The following IRX5 variants were observed in gnomAD, a reference collection of about 807,000 sequenced individuals.
The protein encoded by IRX5 is iroquois homeobox 5.
Under a neutral mutation model 37.6 loss-of-function variants are expected in IRX5, and 8 were observed. The observed-to-expected ratio is 0.21, with a 90% CI of 0.12 to 0.38. IRX5 has a LOEUF of 0.38. IRX5 is among the 10% of genes least tolerant of loss of function. The pLI is 1.00. For missense variants in IRX5, 635 were observed against 695.2 expected (o/e 0.91, Z 0.97); for synonymous variants, 359 against 328.6 (o/e 1.09, Z -1.00).
rs570484280 is a variant in IRX5, at chr16:54,932,959, C to G, written c.655+56C>G. 1 of 1,586,740 alleles carries G rather than the reference C, an allele frequency of 6.3e-7. No individual in the cohort carries two copies. The highest frequency in any genetic ancestry group is 2.2e-5 in the East Asian group (1 of 44,592). On this transcript the variant is annotated intron_variant, in intron 2 of 2. Transcript: ENST00000394636. The surrounding 1 kb of genome is among the most constrained non-coding windows in gnomAD (Gnocchi z 6.7). ...CGGGAGTAAAAAGGAAAAGAGAGGC[C>G]TGGAGGGGGCGCGCACGGGGCCTGG... is the stretch of plus-strand genomic sequence containing the variant.
In IRX5 at chr16:54,933,877, G is replaced by A. The variant is rs768571390; in HGVS notation, c.*4G>A. The stretch of plus-strand genomic sequence containing the variant: ...GAAAGGTATGTCCGACATTTAACGC[G>A]GGCTGCGTCGGTCCCGGACTTTTCT... On this transcript the variant is annotated 3_prime_UTR_variant, in exon 3 of 3. Transcript: ENST00000394636. 41 of 1,577,556 alleles carry A rather than the reference G, an allele frequency of 2.6e-5. No individual in the cohort carries two copies. The highest frequency in any genetic ancestry group is 3.3e-5 in the Non-Finnish European group (38 of 1,154,566).
In IRX5 at chr16:54,934,438, C is replaced by T. The variant is rs1479882298; in HGVS notation, c.*565C>T. 2 of 152,622 alleles carry T rather than the reference C, an allele frequency of 1.3e-5. No homozygotes were observed. The highest frequency in any genetic ancestry group is 1.9e-4 in the East Asian group (1 of 5,200). 9.5% of individuals were successfully genotyped at this position (152,622 alleles called of 1,614,324 possible). On this transcript the variant is annotated 3_prime_UTR_variant, in exon 3 of 3. Transcript: ENST00000394636. ...AGATTTTAACATAATGAGAGCCACT[C>T]ATTACTTTTTAGAAGCCTCAATAAA...
rs772547793 is a variant in IRX5 at position 54,931,273 on chromosome 16, C to T, written c.75C>T (p.Thr25=). 3 of 1,612,690 alleles carry T rather than the reference C, an allele frequency of 1.9e-6. No homozygotes were observed. Among genetic ancestry groups the T allele is most frequent in the Middle Eastern group, 3.3e-4 (2 of 6,048 alleles). Residue 25 remains threonine (T), a synonymous_variant, in exon 1 of 3, where the codon ACC becomes ACT. Transcript: ENST00000394636. ...LALYSCPAYS[T]SVISGPRTDE... ...TCTACTCGTGCCCGGCGTACAGCAC[C>T]AGCGTCATTTCGGGGCCCCGCACGG...
rs746203252 is a variant in IRX5 at position 54,933,760 on chromosome 16, TTGA to T, written c.1340_1342del (p.Leu447_Asn448delinsTyr). The T allele has an allele frequency of 3.7e-6, 6 of 1,614,146 alleles. No homozygotes were observed. Among genetic ancestry groups the T allele is most frequent in the East Asian group, 4.5e-5 (2 of 44,846 alleles). Reference sequence around the variant, plus strand: ...TTTCAATGGATTAAACCAGACCGTGTTGAACCGAGCGGACGCTTTGGCTAAAGA... The same window carrying T: ...TTTCAATGGATTAAACCAGACCGTGTACCGAGCGGACGCTTTGGCTAAAGA... On this transcript the variant is annotated inframe_deletion, in exon 3 of 3. Coordinates refer to ENST00000394636, the MANE Select transcript of IRX5 (RefSeq NM_005853.6).
rs1963926122 is a variant in IRX5, at chr16:54,933,303, A to G, written c.882A>G (p.Gly294=). 7.1e-7 allele frequency: 1 copy of G among 1,404,494 alleles called. No homozygotes were observed. The highest frequency in any genetic ancestry group is 9.2e-7 in the Non-Finnish European group (1 of 1,086,476). 87.0% of individuals were successfully genotyped at this position (1,404,494 alleles called of 1,614,324 possible). A position where few individuals can be genotyped will look rare whatever the true frequency, so the allele number is the denominator to read the frequency against. The change falls in exon 3 of 3, where the codon GGA becomes GGG. Residue 294 remains glycine, a synonymous_variant. Coordinates refer to ENST00000394636, the MANE Select transcript of IRX5 (RefSeq NM_005853.6). ...AEDPAPHYPA[G]APAPGPHPAA... ...ACCCGGCCCCTCACTACCCCGCCGG[A>G]GCGCCGGCGCCCGGCCCGCATCCAG...
Position 54,933,826 on chromosome 16 carries a change from T to C in IRX5, c.1405T>C (p.Cys469Arg). ...GCGGAGCCAGTCTCAGCTAGACCTG[T>C]GCAAAGACTCTCCCTATGAATTGAA... The part of the protein sequence containing the change: ...MLRSQSQLDL[C>R]KDSPYELKKG... Residue 469 changes from cysteine (C) to arginine (R), a missense_variant, in exon 3 of 3, where the codon TGC (cysteine) becomes CGC (arginine). Coordinates refer to ENST00000394636, the MANE Select transcript of IRX5 (RefSeq NM_005853.6). The C allele has an allele frequency of 6.2e-7, 1 of 1,612,816 alleles. No individual in the cohort carries two copies. The highest frequency in any genetic ancestry group is 8.5e-7 in the Non-Finnish European group (1 of 1,179,098).
At chr16:54,931,965 T>C in intron 1 of IRX5, 2 of 641,716 alleles carry the variant, frequency 3.1e-6, no homozygotes, top group South Asian at 3.4e-5. Context: ...CCGGGATTTT[T>C]CGGCCGGGTT....
Position 54,933,827 on chromosome 16 carries a change from G to A in IRX5, c.1406G>A (p.Cys469Tyr). The A allele has an allele frequency of 6.2e-7, 1 of 1,612,910 alleles. No homozygotes were observed. The highest frequency in any genetic ancestry group is 8.5e-7 in the Non-Finnish European group (1 of 1,179,200). ...CGGAGCCAGTCTCAGCTAGACCTGT[G>A]CAAAGACTCTCCCTATGAATTGAAG... ...MLRSQSQLDL[C>Y]KDSPYELKKG... Residue 469 changes from cysteine to tyrosine, a missense_variant, in exon 3 of 3, where the codon TGC becomes TAC. Transcript: ENST00000394636.
Position 54,932,855 on chromosome 16 carries a change from G to C in IRX5, c.607G>C (p.Glu203Gln). ...NIDLEKNDEDEPQKPEDKGDP... is the reference protein window; with the variant it reads ...NIDLEKNDEDQPQKPEDKGDP... The stretch of plus-strand genomic sequence containing the variant: ...TGACCTGGAGAAGAACGACGAGGAC[G>C]AGCCCCAGAAGCCCGAGGACAAGGG... The change falls in exon 2 of 3, where the codon GAG (glutamate) becomes CAG (glutamine). Residue 203 changes from glutamate (E) to glutamine (Q), a missense_variant. Physicochemically the swap from Glu to Gln is conservative, Grantham distance 29. This residue lies in a region of IRX5 where 244 missense variants were observed against 205.4 expected (regional missense o/e 1.19). Coordinates refer to ENST00000394636, the MANE Select transcript of IRX5 (RefSeq NM_005853.6). The surrounding 1 kb of genome is among the most constrained non-coding windows in gnomAD (Gnocchi z 6.7). 6.2e-7 allele frequency: 1 copy of C among 1,614,024 alleles called. No individual in the cohort carries two copies. Among genetic ancestry groups the C allele is most frequent in the Non-Finnish European group, 8.5e-7 (1 of 1,179,968 alleles).
chr16:54,931,866 C>T (rs754634000), intron 1 of IRX5, among the ~76,000 whole-genome samples: 2 of 152,186 alleles, frequency 1.3e-5, no homozygotes, highest in Non-Finnish European at 2.9e-5. Flanking sequence ...TTAATTAGTC[C>T]TCCAAAATGT....
At position 54,931,189 on chromosome 16, in the gene IRX5, G is replaced by T; in HGVS notation, c.-10G>T. On this transcript the variant is annotated 5_prime_UTR_variant, in exon 1 of 3. Coordinates refer to ENST00000394636, the MANE Select transcript of IRX5 (RefSeq NM_005853.6). The stretch of plus-strand genomic sequence containing the variant: ...CCGCGGCGCGGCGCGCCCCATGCCC[G>T]TGTGTGGCCATGTCCTATCCGCAGG... 1.3e-6 allele frequency: 2 copies of T among 1,574,040 alleles called. No homozygotes were observed. Among genetic ancestry groups the T allele is most frequent in the Non-Finnish European group, 1.7e-6 (2 of 1,162,326 alleles).
Position 54,933,079 on chromosome 16 carries a change from G to A in IRX5, c.658G>A (p.Gly220Arg). 1 of 1,597,940 alleles carries A rather than the reference G, an allele frequency of 6.3e-7. No homozygotes were observed. Among genetic ancestry groups the A allele is most frequent in the Non-Finnish European group, 8.5e-7 (1 of 1,176,096 alleles). Residue 220 changes from glycine (G) to arginine (R), a missense_variant and splice_region_variant, in exon 3 of 3, where the codon GGA (glycine) becomes AGA (arginine). Gly to Arg is a moderately radical substitution (Grantham distance 125, BLOSUM62 -2). Around this residue, in one of 5 missense-constraint regions of IRX5, gnomAD observed 244 missense variants for 205.4 expected, o/e 1.19. Transcript: ENST00000394636. ...KGDPEGPEAGGAEQKAASGCE... is the reference protein window; with the variant it reads ...KGDPEGPEAGRAEQKAASGCE... ...GACAGCCTGGGTTTCGCCCGCAGGA[G>A]GAGCTGAGCAGAAGGCGGCTTCGGG... is the stretch of plus-strand genomic sequence containing the variant.
chr16:54,931,731 C>T (rs1963899897), intron 1 of IRX5, among the ~76,000 whole-genome samples: 1 of 152,238 alleles, frequency 6.6e-6, no homozygotes, highest in African/African-American at 2.4e-5. Context: ...TAAACGTAAG[C>T]TCCGGGCTGC....
In IRX5 at chr16:54,931,168, G is replaced by A. The variant is rs776090805; in HGVS notation, c.-31G>A. On this transcript the variant is annotated 5_prime_UTR_variant, in exon 1 of 3. Transcript: ENST00000394636. ...CGCCGCCCGGCTCGTTGGCGGCCGC[G>A]GCGCGGCGCGCCCCATGCCCGTGTG... 3.7e-6 allele frequency: 5 copies of A among 1,344,948 alleles called. No homozygotes were observed. Among genetic ancestry groups the A allele is most frequent in the Non-Finnish European group, 4.8e-6 (5 of 1,045,558 alleles). The allele number at this position is 1,344,948 out of a possible 1,614,324, so 83.3% of individuals were successfully genotyped here. A position where few individuals can be genotyped will look rare whatever the true frequency, so the allele number is the denominator to read the frequency against.
In IRX5 at chr16:54,933,285, C is replaced by G. The variant is rs1221228126; in HGVS notation, c.864C>G (p.Ala288=). 2 of 1,357,054 alleles carry G rather than the reference C, an allele frequency of 1.5e-6. No homozygotes were observed. Among genetic ancestry groups the G allele is most frequent in the Non-Finnish European group, 1.9e-6 (2 of 1,063,684 alleles). 84.1% of individuals were successfully genotyped at this position (1,357,054 alleles called of 1,614,324 possible). ...PAAARLAEDP[A]PHYPAGAPAP... ...CGGCGCGGCTGGCGGAGGACCCGGC[C>G]CCTCACTACCCCGCCGGAGCGCCGG... The change falls in exon 3 of 3, where the codon GCC becomes GCG. Residue 288 remains alanine, a synonymous_variant. Coordinates refer to ENST00000394636, the MANE Select transcript of IRX5 (RefSeq NM_005853.6).
chr16:54,933,414 G>A lies in IRX5; in HGVS notation c.993G>A (p.Lys331=). 1 of 1,604,408 alleles carries A rather than the reference G, an allele frequency of 6.2e-7. No homozygotes were observed. Residue 331 remains lysine, a synonymous_variant, in exon 3 of 3, where the codon AAG becomes AAA. Coordinates refer to ENST00000394636, the MANE Select transcript of IRX5 (RefSeq NM_005853.6). ...PPPPPPAVLA[K]PKLWSLAEIA... The stretch of plus-strand genomic sequence containing the variant: ...CGCCGCCTCCTGCGGTGCTCGCCAA[G>A]CCCAAACTGTGGTCTTTGGCAGAGA...
intron 1 of IRX5, chr16:54,931,987 C>A: frequency 1.5e-6 from 1 of 677,796 alleles, no homozygotes; most frequent in South Asian, 1.5e-5. Context: ...TAACTTCGGT[C>A]TGGGGTAGTA....
At position 54,934,043 on chromosome 16, in the gene IRX5, CA is replaced by C. The variant is rs375093347; in HGVS notation, c.*181del. On this transcript the variant is annotated 3_prime_UTR_variant, in exon 3 of 3. Transcript: ENST00000394636. ...ACATAAAAATGTAAACATCTCCACA[CA>C]AAAAAAAAAATGTCTTAACCAACCG... The C allele has an allele frequency of 2.4e-3, 1,339 of 552,020 alleles. No individual in the cohort carries two copies. Among genetic ancestry groups the C allele is most frequent in the Non-Finnish European group, 2.8e-3 (1,005 of 354,216 alleles). The allele number at this position is 552,020 out of a possible 1,614,324, so 34.2% of individuals were successfully genotyped here. A position where few individuals can be genotyped will look rare whatever the true frequency, so the allele number is the denominator to read the frequency against.
rs536328760 is a variant in IRX5 at position 54,932,127 on chromosome 16, C to T, written c.250-371C>T. On this transcript the variant is annotated intron_variant, in intron 1 of 2. Coordinates refer to ENST00000394636, the MANE Select transcript of IRX5 (RefSeq NM_005853.6). This position sits in a 1 kb window ranked among gnomAD's most constrained non-coding sequence, Gnocchi z 6.7. ...TTGCGCCCAACGTGCGTCCGCTCCC[C>T]CGCCGAGCGCGGAGTCGCCTCAGTT... 1.4e-6 allele frequency: 1 copy of T among 702,828 alleles called. No homozygotes were observed. The highest frequency in any genetic ancestry group is 1.7e-5 in the African/African-American group (1 of 57,264). The allele number at this position is 702,828 out of a possible 1,614,324, so 43.5% of individuals were successfully genotyped here. A position where few individuals can be genotyped will look rare whatever the true frequency, so the allele number is the denominator to read the frequency against.
Sources: gnomAD v4.1 joint callset for allele counts (sites outside exome capture counted in the v4.1 genomes callset) on GRCh38, gnomAD v4.1.1 for gene constraint, gnomAD v4.1.1 regional missense constraint, Gnocchi (gnomAD v3.1) non-coding constraint, MANE v1.5 for transcripts, NCBI Gene and HGNC (gene_info 2026-07-23, HGNC 2026-07-21) for gene names.